The following NEK7 variants were observed in gnomAD, a reference collection of about 807,000 sequenced individuals.
NEK7 encodes the protein serine/threonine-protein kinase Nek7.
A neutral mutation model predicts 44.6 loss-of-function variants in NEK7; 18 were observed. The observed-to-expected ratio is 0.40, with a 90% CI of 0.28 to 0.60. The LOEUF is 0.60. NEK7 is among the 20% of genes least tolerant of loss of function. The pLI is 0.38. For missense variants in NEK7, 256 were observed against 366.5 expected, an observed-to-expected ratio of 0.70 and a Z score of 2.46; for synonymous variants, 130 against 121.1, an observed-to-expected ratio of 1.07 and a Z score of -0.48.
chr1:198,238,400 T>C (rs1666594104), intron 2 of NEK7, among the ~76,000 whole-genome samples: 1 of 152,152 alleles, frequency 6.6e-6, no homozygotes, highest in Admixed American at 6.5e-5. Context: ...TCCATTCAAC[T>C]AAAGGACTTA....
At chr1:198,244,348 G>T (rs1382946729) in intron 2 of NEK7, among the ~76,000 whole-genome samples, 3 of 152,170 alleles carry the variant, frequency 2.0e-5, no homozygotes, top group African/African-American at 7.2e-5. Flanking sequence ...CCCCAGAGAG[G>T]ATTATCATCA....
intron 2 of NEK7, among the ~76,000 whole-genome samples, chr1:198,252,046 A>G (rs552749598): frequency 1.3e-5 from 2 of 151,964 alleles, no homozygotes; most frequent in East Asian, 1.9e-4. Context: ...ACTGCTTTGA[A>G]TGTGTCCCAG....
At chr1:198,310,657 A>G (rs541663861) in intron 9 of NEK7, among the ~76,000 whole-genome samples, 1 of 152,278 alleles carries the variant, frequency 6.6e-6, no homozygotes, top group South Asian at 2.1e-4. Flanking sequence ...AGCTTTCTAC[A>G]TACGGCTAGT....
At chr1:198,249,657 ATG>A (rs1202749566) in intron 2 of NEK7, among the ~76,000 whole-genome samples, 1 of 150,888 alleles carries the variant, frequency 6.6e-6, no homozygotes, top group Non-Finnish European at 1.5e-5. Flanking sequence ...GCATTTTTTC[ATG>A]TGTTTTTTGG....
At chr1:198,206,478 A>T (rs541220852) in intron 1 of NEK7, among the ~76,000 whole-genome samples, 130 of 152,290 alleles carry the variant, frequency 8.5e-4, no homozygotes, top group African/African-American at 2.9e-3. Context: ...GAACCAAAAT[A>T]AAAAATATTA....
chr1:198,235,482 T>A (rs892193555), intron 2 of NEK7, among the ~76,000 whole-genome samples: 2 of 152,148 alleles, frequency 1.3e-5, no homozygotes, highest in African/African-American at 4.8e-5. Flanking sequence ...TTCATTGCCT[T>A]TGGACTCTTG....
chr1:198,274,028 A>T (rs1653935631), intron 5 of NEK7, among the ~76,000 whole-genome samples: 1 of 151,320 alleles, frequency 6.6e-6, no homozygotes, highest in Non-Finnish European at 1.5e-5. Flanking sequence ...ATGGATATGG[A>T]TTGTGTTAGT....
At chr1:198,252,697 CATGT>C (rs941001178) in intron 2 of NEK7, among the ~76,000 whole-genome samples, 33 of 144,506 alleles carry the variant, frequency 2.3e-4, no homozygotes, top group Admixed American at 1.7e-3. Flanking sequence ...TGTATTAAAA[CATGT>C]ATGTATGTTT....
chr1:198,174,272 A>G (rs1423516810), intron 1 of NEK7, among the ~76,000 whole-genome samples: 4 of 149,426 alleles, frequency 2.7e-5, no homozygotes, highest in Non-Finnish European at 4.5e-5. Flanking sequence ...GGATAGTTTT[A>G]TATTTATGAG....
At chr1:198,262,026 C>T (rs1203283536) in intron 3 of NEK7, among the ~76,000 whole-genome samples, 1 of 151,856 alleles carries the variant, frequency 6.6e-6, no homozygotes, top group African/African-American at 2.4e-5. Context: ...TCACCCTTGT[C>T]AAGAATGCAT....
At chr1:198,296,129 G>A (rs1046194355) in intron 8 of NEK7, among the ~76,000 whole-genome samples, 2 of 152,072 alleles carry the variant, frequency 1.3e-5, no homozygotes, top group East Asian at 3.9e-4. Context: ...CCCCACTGAC[G>A]CTCACTGAGT....
chr1:198,163,994 G>A (rs192952247), intron 1 of NEK7, among the ~76,000 whole-genome samples: 7 of 152,084 alleles, frequency 4.6e-5, no homozygotes, highest in Non-Finnish European at 8.8e-5. Context: ...TAATCCCAGC[G>A]CTTTGGAGGC....
At chr1:198,188,521 CAT>C (rs1664982283) in intron 1 of NEK7, among the ~76,000 whole-genome samples, 1 of 151,958 alleles carries the variant, frequency 6.6e-6, no homozygotes, top group Non-Finnish European at 1.5e-5. Context: ...AGCCTGACAC[CAT>C]TGGCAGGGAG....
intron 1 of NEK7, among the ~76,000 whole-genome samples, chr1:198,180,351 C>T (rs1664731397): frequency 6.6e-6 from 1 of 151,872 alleles, no homozygotes; most frequent in African/African-American, 2.4e-5. Context: ...GTAATTTATT[C>T]AGGATGTGTG....
chr1:198,263,528 G>A (rs548499948), intron 4 of NEK7, among the ~76,000 whole-genome samples: 15 of 151,904 alleles, frequency 9.9e-5, no homozygotes, highest in Non-Finnish European at 1.8e-4. Flanking sequence ...TGAACAAAAG[G>A]ATTGCAAATG....
At chr1:198,231,299 GTGTATATA>G (rs1249207850) in intron 1 of NEK7, among the ~76,000 whole-genome samples, 1,542 of 98,216 alleles carry the variant, frequency 0.016, 16 homozygotes, top group Non-Finnish European at 0.02. Flanking sequence ...GTATGTGTGT[GTGTATATA>G]TATATATATA....
At chr1:198,280,495 T>C (rs1350893400) in intron 7 of NEK7, among the ~76,000 whole-genome samples, 1 of 152,014 alleles carries the variant, frequency 6.6e-6, no homozygotes, top group African/African-American at 2.4e-5. Flanking sequence ...GATCCAGCAT[T>C]ATTATATGAA....
Position 198,217,346 on chromosome 1 carries a change from A to C in NEK7, c.-28-15207A>C, listed in dbSNP as rs572135046. ...AACAGAATTGAAAACAAAACCATAT[A>C]ATCATCTCAGTAGATGCAGAAAAAG... is the stretch of plus-strand genomic sequence containing the variant. On this transcript the variant is annotated intron_variant, in intron 1 of 9. Transcript: ENST00000367385. 1.1e-4 allele frequency among the ~76,000 whole-genome samples: 17 copies of C among 152,164 alleles called. No homozygotes were observed. In the East Asian group the frequency reaches 3.3e-3, roughly 29 times the overall value.
At chr1:198,257,500 C>A (rs10922391) in intron 3 of NEK7, among the ~76,000 whole-genome samples, 26,241 of 152,076 alleles carry the variant, frequency 0.17, 3,211 homozygotes, top group African/African-American at 0.31. Context: ...ATATTCGTAA[C>A]CTCTGTGGCT....
Sources: gnomAD v4.1 joint callset for allele counts (sites outside exome capture counted in the v4.1 genomes callset) on GRCh38, gnomAD v4.1.1 for gene constraint, MANE v1.5 for transcripts, NCBI Gene and HGNC (gene_info 2026-07-23, HGNC 2026-07-21) for gene names.